Variants in TENM3 observed in about 807,000 individuals in gnomAD.
TENM3 encodes teneurin-3.
TENM3 carries 63 observed loss-of-function variants against 255.1 expected under a neutral mutation model. The observed-to-expected ratio is 0.25, with a 90% CI of 0.20 to 0.30. The LOEUF (loss-of-function observed/expected upper bound fraction) is 0.30, where lower values mean the gene tolerates loss of function less well. Among genes scored for constraint, TENM3 ranks in the 10% least tolerant of loss-of-function variants. TENM3 has a pLI of 1.00. For missense variants in TENM3, 2,929 were observed against 3,461.1 expected (o/e 0.85, Z 3.86); for synonymous variants, 1,306 against 1,322.3 (o/e 0.99, Z 0.27).
the TENM3 span, among the ~76,000 whole-genome samples, chr4:181,542,480 G>C: frequency 6.6e-6 from 1 of 152,176 alleles, no homozygotes; most frequent in Non-Finnish European, 1.5e-5. Flanking sequence ...TGAATTGTAG[G>C]AGAAGTAAGG....
intron 1 of TENM3, among the ~76,000 whole-genome samples, chr4:182,215,367 T>A (rs1755384749): frequency 6.6e-6 from 1 of 152,162 alleles, no homozygotes; most frequent in Admixed American, 6.5e-5. Flanking sequence ...CTGACTAAAT[T>A]ACCACTTCAC....
At chr4:181,796,356 G>A in the TENM3 span, among the ~76,000 whole-genome samples, 1 of 152,180 alleles carries the variant, frequency 6.6e-6, no homozygotes, top group Non-Finnish European at 1.5e-5. Context: ...CATACTGCTG[G>A]AAAAGCTCAA....
the TENM3 span, among the ~76,000 whole-genome samples, chr4:182,073,769 C>A: frequency 2.0e-5 from 3 of 152,282 alleles, no homozygotes; most frequent in South Asian, 6.2e-4. Flanking sequence ...TCAGTCCTTA[C>A]CCCAGGGAGA....
intron 3 of TENM3, among the ~76,000 whole-genome samples, chr4:182,469,574 C>T (rs1402876243): frequency 6.6e-6 from 1 of 152,066 alleles, no homozygotes; most frequent in East Asian, 1.9e-4. Context: ...ATGAGCCGGG[C>T]ATGGTGGCGC....
At chr4:181,968,775 G>A in the TENM3 span, among the ~76,000 whole-genome samples, 1 of 152,134 alleles carries the variant, frequency 6.6e-6, no homozygotes, top group Non-Finnish European at 1.5e-5. Flanking sequence ...GTTAACAATA[G>A]TGTATTGTAT....
chr4:181,829,027 T>C, the TENM3 span, among the ~76,000 whole-genome samples: 4 of 152,228 alleles, frequency 2.6e-5, no homozygotes, highest in African/African-American at 9.6e-5. Flanking sequence ...CATGGACCCG[T>C]TGCACTGCTC....
chr4:182,351,464 AC>A (rs1352050649), intron 3 of TENM3, among the ~76,000 whole-genome samples: 2 of 152,030 alleles, frequency 1.3e-5, no homozygotes, highest in Non-Finnish European at 2.9e-5. Flanking sequence ...TGTGACAGTT[AC>A]CCCCTGAATC....
chr4:181,588,169 T>G, the TENM3 span, among the ~76,000 whole-genome samples: 2 of 151,792 alleles, frequency 1.3e-5, no homozygotes, highest in Non-Finnish European at 2.9e-5. Flanking sequence ...GAGCGGCCTC[T>G]GCTCGCAGTC....
chr4:181,719,024 G>A, the TENM3 span, among the ~76,000 whole-genome samples: 2 of 151,692 alleles, frequency 1.3e-5, no homozygotes, highest in Non-Finnish European at 2.9e-5. Flanking sequence ...GGCTAACAAG[G>A]TGAAACCCCG....
chr4:182,670,878 T>A (rs72993416), intron 6 of TENM3, among the ~76,000 whole-genome samples: 2,833 of 152,258 alleles, frequency 0.019, 81 homozygotes, highest in African/African-American at 0.063. Flanking sequence ...TTACCCATAA[T>A]CAGTCTTCAA....
intron 13 of TENM3, among the ~76,000 whole-genome samples, chr4:182,722,005 C>T (rs991326489): frequency 1.3e-5 from 2 of 151,966 alleles, no homozygotes; most frequent in African/African-American, 4.8e-5. Flanking sequence ...GTTCACTTAT[C>T]TTTTAACTTT....
intron 12 of TENM3, among the ~76,000 whole-genome samples, chr4:182,706,758 T>A (rs1311142295): frequency 6.6e-6 from 1 of 151,936 alleles, no homozygotes; most frequent in Non-Finnish European, 1.5e-5. Flanking sequence ...GGTCAGGAGT[T>A]CAAGACAAGC....
At chr4:182,492,036 A>G (rs1735343341) in intron 3 of TENM3, among the ~76,000 whole-genome samples, 1 of 152,204 alleles carries the variant, frequency 6.6e-6, no homozygotes, top group African/African-American at 2.4e-5. Flanking sequence ...TGCTGAGCTG[A>G]AGGAAGAAGA....
chr4:182,478,280 TC>T (rs1054051724), intron 3 of TENM3, among the ~76,000 whole-genome samples: 147 of 152,268 alleles, frequency 9.7e-4, no homozygotes, highest in Non-Finnish European at 1.2e-3. Context: ...TCAAATTTTT[TC>T]TAATGTCATG....
the TENM3 span, among the ~76,000 whole-genome samples, chr4:181,778,976 A>AAGG: frequency 2.6e-5 from 4 of 152,126 alleles, no homozygotes; most frequent in Non-Finnish European, 1.5e-5. Context: ...AAGAGTCTGA[A>AAGG]AGGAGGAGTT....
chr4:182,549,165 GATGTGTGC>G (rs1295790530), intron 3 of TENM3, among the ~76,000 whole-genome samples: 4 of 152,200 alleles, frequency 2.6e-5, no homozygotes, highest in Admixed American at 6.5e-5. Context: ...ATTATTCTGG[GATGTGTGC>G]ATGTGTGCAT....
chr4:182,016,420 G>A, the TENM3 span, among the ~76,000 whole-genome samples: 1 of 152,274 alleles, frequency 6.6e-6, no homozygotes, highest in African/African-American at 2.4e-5. Context: ...TTCCTGAGAT[G>A]GTATTTGTTA....
the TENM3 span, among the ~76,000 whole-genome samples, chr4:181,842,949 G>A: frequency 0.98 from 149,878 of 152,304 alleles, 73,809 homozygotes; most frequent in Middle Eastern, 1. Flanking sequence ...TACTTACTCT[G>A]TATCCCTAGA....
intron 3 of TENM3, among the ~76,000 whole-genome samples, chr4:182,480,682 G>A (rs1734112718): frequency 6.6e-6 from 1 of 151,912 alleles, no homozygotes; most frequent in Admixed American, 6.6e-5. Flanking sequence ...TGAACAATTG[G>A]TTGTATCATT....
Sources: gnomAD v4.1 joint callset for allele counts (sites outside exome capture counted in the v4.1 genomes callset) on GRCh38, gnomAD v4.1.1 for gene constraint, MANE v1.5 for transcripts, NCBI Gene and HGNC (gene_info 2026-07-23, HGNC 2026-07-21) for gene names.